The following OXNAD1 variants were observed in gnomAD, a reference collection of about 807,000 sequenced individuals.
OXNAD1 encodes oxidoreductase NAD binding domain containing 1.
OXNAD1 carries 34 observed loss-of-function variants against 32.9 expected under a neutral mutation model. The observed-to-expected ratio is 1.03, with a 90% CI of 0.79 to 1.38. The LOEUF is 1.38. OXNAD1 is among the 40% of genes most tolerant of loss of function. The pLI is 0.00. For missense variants in OXNAD1, 407 were observed against 379.4 expected (o/e 1.07, Z -0.60); for synonymous variants, 134 against 135.2 (o/e 0.99, Z 0.06).
At position 16,305,536 on chromosome 3, in the gene OXNAD1, C is replaced by G. The variant is rs186211228; in HGVS notation, c.*1974C>G. On this transcript the variant is annotated 3_prime_UTR_variant, in exon 9 of 9. Coordinates refer to ENST00000285083, the MANE Select transcript of OXNAD1 (RefSeq NM_138381.5). The surrounding 1 kb of genome is among the most constrained non-coding windows in gnomAD (Gnocchi z 4.5). ...GCTGAAGAACATTTTCAGGTCTAGC[C>G]GAGAATGTCCTCTTGCTCTTGCCTG... 6.6e-6 allele frequency: 1 copy of G among 152,144 alleles called. No homozygotes were observed. The highest frequency in any genetic ancestry group is 1.5e-5 in the Non-Finnish European group (1 of 68,038). The allele number at this position is 152,144 out of a possible 1,614,324, so 9.4% of individuals were successfully genotyped here.
At chr3:16,342,211 C>T (rs1300514406), downstream of OXNAD1, among the ~76,000 whole-genome samples, 1 of 152,112 alleles carries the variant, frequency 6.6e-6, no homozygotes, top group Non-Finnish European at 1.5e-5. The surrounding 1 kb of genome is among the most constrained non-coding windows in gnomAD (Gnocchi z 4.0). Flanking sequence ...TTCCCCCCAC[C>T]CACCCCGAGG....
chr3:16,318,132 G>C (rs2068632363), intron 9 of OXNAD1, among the ~76,000 whole-genome samples: 1 of 152,012 alleles, frequency 6.6e-6, no homozygotes, highest in Non-Finnish European at 1.5e-5. Context: ...AACAACCAGG[G>C]TCTCATCAAA....
intron 6 of OXNAD1, among the ~76,000 whole-genome samples, chr3:16,296,215 A>G (rs1262963149): frequency 6.6e-6 from 1 of 152,222 alleles, no homozygotes; most frequent in Non-Finnish European, 1.5e-5. Flanking sequence ...TATGTTGTGA[A>G]AACCAGCTAG....
At chr3:16,296,763 T>G (rs2066826763) in intron 6 of OXNAD1, among the ~76,000 whole-genome samples, 1 of 152,160 alleles carries the variant, frequency 6.6e-6, no homozygotes, top group Non-Finnish European at 1.5e-5. Context: ...TGGAACAATT[T>G]TGCATCTAGA....
At chr3:16,349,168 C>A (rs185092431) in intron 9 of OXNAD1, 4 of 152,158 alleles carry the variant, frequency 2.6e-5, no homozygotes, top group African/African-American at 9.7e-5. Context: ...CTGTGACGTT[C>A]CTAACAGCAG....
downstream of OXNAD1, among the ~76,000 whole-genome samples, chr3:16,351,388 C>T (rs1040690581): frequency 6.6e-6 from 1 of 152,162 alleles, no homozygotes; most frequent in African/African-American, 2.4e-5. The surrounding 1 kb of genome is among the most constrained non-coding windows in gnomAD (Gnocchi z 5.4). Flanking sequence ...TCAGAAATGT[C>T]TTGACAGGCT....
At chr3:16,313,577 C>T (rs1372693883) in intron 9 of OXNAD1, 3 of 152,174 alleles carry the variant, frequency 2.0e-5, no homozygotes, top group South Asian at 2.1e-4. Context: ...AGAGTACTTA[C>T]CATGGACCAA....
At chr3:16,343,150 T>G (rs1249658960) in intron 9 of OXNAD1, among the ~76,000 whole-genome samples, 2 of 152,214 alleles carry the variant, frequency 1.3e-5, no homozygotes, top group African/African-American at 4.8e-5. Flanking sequence ...AGAATGTGAA[T>G]TTTTAATAAG....
At chr3:16,266,306 C>G (rs1575023323) in intron 1 of OXNAD1, among the ~76,000 whole-genome samples, 3 of 152,136 alleles carry the variant, frequency 2.0e-5, no homozygotes, top group Non-Finnish European at 4.4e-5. Context: ...AACACATATA[C>G]ATAATATATC....
At chr3:16,292,096 GT>G (rs1419501465) in intron 5 of OXNAD1, among the ~76,000 whole-genome samples, 2 of 151,360 alleles carry the variant, frequency 1.3e-5, no homozygotes, top group Non-Finnish European at 2.9e-5. Context: ...TTACTGAGTT[GT>G]AAGAGTTCTT....
downstream of OXNAD1, among the ~76,000 whole-genome samples, chr3:16,308,599 T>C (rs78221723): frequency 0.016 from 2,440 of 152,322 alleles, 61 homozygotes; most frequent in African/African-American, 0.055. This position sits in a 1 kb window ranked among gnomAD's most constrained non-coding sequence, Gnocchi z 4.4. Context: ...TCTTAAACAG[T>C]GAGATGTCTG....
chr3:16,327,837 AC>A lies in OXNAD1; in HGVS notation c.*31-9274del, dbSNP rs2069883307. Among the ~76,000 whole-genome samples the A allele has an allele frequency of 6.6e-6, 1 of 152,106 alleles. No individual in the cohort carries two copies. Among genetic ancestry groups the A allele is most frequent in the African/African-American group, 2.4e-5 (1 of 41,434 alleles). ...GAGAGCCCTGATGTGAGGCCCCTGC[AC>A]TGGCTTCCACCTCTGCAGGCGTTCT... On this transcript the variant is annotated intron_variant, in intron 9 of 9. Transcript: ENST00000435829. The surrounding 1 kb of genome is among the most constrained non-coding windows in gnomAD (Gnocchi z 4.2).
At chr3:16,267,807 A>G (rs191360095) in intron 1 of OXNAD1, among the ~76,000 whole-genome samples, 4 of 152,344 alleles carry the variant, frequency 2.6e-5, no homozygotes, top group Admixed American at 2.6e-4. Context: ...TCCAAGGCCT[A>G]AAATAGTGCC....
chr3:16,331,178 A>G (rs1179587998), intron 9 of OXNAD1, among the ~76,000 whole-genome samples: 1 of 152,202 alleles, frequency 6.6e-6, no homozygotes, highest in Non-Finnish European at 1.5e-5. Context: ...CAATTAGGGT[A>G]TGTAAGGGAG....
Position 16,322,285 on chromosome 3 carries a change from G to T in OXNAD1, c.*31-14827G>T, listed in dbSNP as rs1344042692. Among the ~76,000 whole-genome samples, 2 of 152,222 alleles carry T rather than the reference G, an allele frequency of 1.3e-5. No homozygotes were observed. The highest frequency in any genetic ancestry group is 4.8e-5 in the African/African-American group (2 of 41,456). ...CCTTCCTCCACACTCCAGCCCATCT[G>T]GCTTCAAGTCACCATTGCTTTGGCA... On this transcript the variant is annotated intron_variant, in intron 9 of 9. Transcript: ENST00000435829. This position sits in a 1 kb window ranked among gnomAD's most constrained non-coding sequence, Gnocchi z 6.2.
In OXNAD1 at chr3:16,290,759, T is replaced by C; in HGVS notation, c.291-4097T>C. On this transcript the variant is annotated intron_variant, in intron 5 of 8. Transcript: ENST00000285083. The surrounding 1 kb of genome is among the most constrained non-coding windows in gnomAD (Gnocchi z 4.2). ...TTCTGGAGCACTTCCAATCCAGAAC[T>C]GGTTTTTAAACACTTATAATAAATG... Among the ~76,000 whole-genome samples the C allele has an allele frequency of 6.6e-6, 1 of 152,226 alleles. No homozygotes were observed. The highest frequency in any genetic ancestry group is 1.5e-5 in the Non-Finnish European group (1 of 68,040).
rs2071620322 is a variant in OXNAD1, at chr3:16,345,788, C to CTCTGTGTGTGTGTG, written c.*31-3387_*31-3386insCTGTGTGTGTGTGT. ...TGAGCCAAAACCTTATAATAAATCTCTGTGTGTGTGTGTGTGTGTGTGTGT... is the reference window on the plus strand; with the variant it reads ...TGAGCCAAAACCTTATAATAAATCTCTCTGTGTGTGTGTGTGTGTGTGTGTGTGTGTGTGTGTGT... On this transcript the variant is annotated intron_variant, in intron 9 of 9. Coordinates refer to the OXNAD1 transcript ENST00000606098. The surrounding 1 kb of genome is among the most constrained non-coding windows in gnomAD (Gnocchi z 5.2). 7.9e-6 allele frequency among the ~76,000 whole-genome samples: 1 copy of CTCTGTGTGTGTGTG among 127,174 alleles called. No homozygotes were observed. Among genetic ancestry groups the CTCTGTGTGTGTGTG allele is most frequent in the Non-Finnish European group, 1.7e-5 (1 of 58,644 alleles). The allele number at this position is 127,174 out of a possible 152,430, so 83.4% of individuals were successfully genotyped here.
chr3:16,319,339 T>A (rs945543929), intron 9 of OXNAD1, among the ~76,000 whole-genome samples: 1 of 152,192 alleles, frequency 6.6e-6, no homozygotes, highest in East Asian at 1.9e-4. Flanking sequence ...TGCTAAAATG[T>A]CAAAGCATTA....
downstream of OXNAD1, among the ~76,000 whole-genome samples, chr3:16,351,219 T>C (rs1004694776): frequency 3.3e-5 from 5 of 152,148 alleles, no homozygotes; most frequent in Admixed American, 2.0e-4. This position sits in a 1 kb window ranked among gnomAD's most constrained non-coding sequence, Gnocchi z 5.4. Flanking sequence ...TTTGGGTTAG[T>C]GTCAGGCACT....
Sources: allele counts gnomAD v4.1 joint callset (sites outside exome capture counted in the v4.1 genomes callset), GRCh38; gene constraint gnomAD v4.1.1; non-coding constraint Gnocchi (gnomAD v3.1); transcripts MANE v1.5; gene names NCBI Gene and HGNC (gene_info 2026-07-23, HGNC 2026-07-21).